The following CFDP1 variants were observed in gnomAD, a reference collection of about 807,000 sequenced individuals.
The protein encoded by CFDP1 is heterochromatin-stabilizing protein CFDP1.
In CFDP1, 31 loss-of-function variants were observed where a neutral mutation model predicts 40.1. The ratio of observed to expected loss-of-function variants is 0.77; its 90% CI spans 0.58 to 1.04. CFDP1 has a LOEUF of 1.04. Among genes scored for constraint, CFDP1 ranks in the 50% least tolerant of loss-of-function variants. CFDP1 has a pLI of 0.00. For missense variants in CFDP1, 423 were observed against 343.4 expected, an observed-to-expected ratio of 1.23 and a Z score of -1.83; for synonymous variants, 167 against 120.0, an observed-to-expected ratio of 1.39 and a Z score of -2.56.
At chr16:75,334,814 G>A (rs1203156833) in intron 5 of CFDP1, among the ~76,000 whole-genome samples, 1 of 152,136 alleles carries the variant, frequency 6.6e-6, no homozygotes, top group African/African-American at 2.4e-5. Flanking sequence ...AATTAGCCAG[G>A]TGTGGTGGTG....
intron 5 of CFDP1, among the ~76,000 whole-genome samples, chr16:75,336,706 T>G (rs993516041): frequency 3.3e-5 from 5 of 152,236 alleles, no homozygotes; most frequent in African/African-American, 1.2e-4. Flanking sequence ...AACCATAATT[T>G]ATTCAACAGT....
intron 1 of CFDP1, among the ~76,000 whole-genome samples, chr16:75,432,836 G>A (rs74728150): frequency 0.017 from 2,533 of 152,306 alleles, 71 homozygotes; most frequent in African/African-American, 0.057. Context: ...AAGCATCAAA[G>A]GGGGAACTTT....
intron 5 of CFDP1, among the ~76,000 whole-genome samples, chr16:75,364,426 A>AT (rs1267252134): frequency 6.6e-6 from 1 of 151,946 alleles, no homozygotes; most frequent in Non-Finnish European, 1.5e-5. Context: ...GAGATGGGAG[A>AT]TTTTTTTCAG....
At chr16:75,297,939 A>C (rs2078195619) in intron 6 of CFDP1, among the ~76,000 whole-genome samples, 1 of 152,226 alleles carries the variant, frequency 6.6e-6, no homozygotes, top group Admixed American at 6.5e-5. Context: ...CGAGCATCCC[A>C]AATCCAAAAA....
At chr16:75,364,156 A>C (rs13335124) in intron 5 of CFDP1, among the ~76,000 whole-genome samples, 2,139 of 39,006 alleles carry the variant, frequency 0.055, 38 homozygotes, top group African/African-American at 0.1. Flanking sequence ...AACAAACAAA[A>C]AAAACTATTA....
intron 5 of CFDP1, among the ~76,000 whole-genome samples, chr16:75,344,167 T>TAAATTCTGAA (rs1224255767): frequency 2.6e-5 from 4 of 152,232 alleles, no homozygotes; most frequent in Non-Finnish European, 4.4e-5. Flanking sequence ...CAGTAGTGCA[T>TAAATTCTGAA]AAATTCTGAA....
At chr16:75,338,314 A>G (rs1428400541) in intron 5 of CFDP1, among the ~76,000 whole-genome samples, 1 of 152,222 alleles carries the variant, frequency 6.6e-6, no homozygotes, top group African/African-American at 2.4e-5. Flanking sequence ...CCATTTCAGA[A>G]AAGGCAAGAA....
chr16:75,414,535 G>A (rs765054540), intron 2 of CFDP1, 43 bp downstream of exon 2: 8 of 1,178,864 alleles, frequency 6.8e-6, no homozygotes. Flanking sequence ...GGATGGTTGT[G>A]ACAATAGCCC....
At chr16:75,410,902 C>CT (rs1387903688) in intron 4 of CFDP1, among the ~76,000 whole-genome samples, 10 of 114,784 alleles carry the variant, frequency 8.7e-5, no homozygotes, top group African/African-American at 3.4e-4. Flanking sequence ...GAGCAAGACT[C>CT]TGTCTCAAAA....
At chr16:75,299,609 A>T (rs566238177) in intron 6 of CFDP1, among the ~76,000 whole-genome samples, 1 of 151,876 alleles carries the variant, frequency 6.6e-6, no homozygotes, top group African/African-American at 2.4e-5. Context: ...AAAAAAAAAA[A>T]TTCGAATCCT....
intron 4 of CFDP1, among the ~76,000 whole-genome samples, chr16:75,398,792 T>C (rs60937209): frequency 0.52 from 78,569 of 151,834 alleles, 21,382 homozygotes; most frequent in Admixed American, 0.64. Context: ...GTGGTGGTCA[T>C]GCCTGTAATC....
chr16:75,326,347 C>A (rs1311518650), intron 5 of CFDP1, among the ~76,000 whole-genome samples: 2 of 152,222 alleles, frequency 1.3e-5, no homozygotes, highest in African/African-American at 4.8e-5. Flanking sequence ...AAAACCAACA[C>A]TGAATGGACA....
chr16:75,371,924 T>C lies in CFDP1; in HGVS notation c.650+23166A>G, dbSNP rs188128765. On this transcript the variant is annotated intron_variant, in intron 5 of 6. Transcript: ENST00000283882. ...TGAAGATCAACCTTGTTATTTAAAA[T>C]AGGGAAAAGGGAAAAACTACTAATT... Among the ~76,000 whole-genome samples the C allele has an allele frequency of 8.7e-4, 132 of 152,302 alleles. 1 individual carries two copies. The Middle Eastern group carries it at 0.014, about 16-fold the overall frequency.
intron 6 of CFDP1, among the ~76,000 whole-genome samples, chr16:75,294,458 T>C (rs1378864190): frequency 6.6e-6 from 1 of 152,062 alleles, no homozygotes; most frequent in Non-Finnish European, 1.5e-5. Context: ...TAGTGGTGTG[T>C]TGAATTGGTG....
At chr16:75,317,840 G>A (rs548561532) in intron 5 of CFDP1, among the ~76,000 whole-genome samples, 2 of 152,086 alleles carry the variant, frequency 1.3e-5, no homozygotes, top group South Asian at 4.1e-4. Context: ...GCCAGGTGTG[G>A]TAGCTCACCC....
chr16:75,296,230 T>A (rs2078181198), intron 6 of CFDP1, among the ~76,000 whole-genome samples: 1 of 152,132 alleles, frequency 6.6e-6, no homozygotes. Context: ...TTTAAGCATT[T>A]GGGGTCTTTC....
intron 5 of CFDP1, among the ~76,000 whole-genome samples, chr16:75,363,898 C>T (rs552890849): frequency 6.4e-4 from 97 of 151,296 alleles, no homozygotes; most frequent in African/African-American, 2.3e-3. Context: ...ATTTGATTCA[C>T]GCCCTCAGGA....
intron 5 of CFDP1, among the ~76,000 whole-genome samples, chr16:75,337,609 C>T (rs942636988): frequency 6.6e-6 from 1 of 152,104 alleles, no homozygotes; most frequent in Admixed American, 6.6e-5. Context: ...GCTGGGAAGG[C>T]CTCAAGAAAC....
intron 5 of CFDP1, among the ~76,000 whole-genome samples, chr16:75,345,122 T>C (rs938021918): frequency 1.3e-5 from 2 of 151,834 alleles, no homozygotes; most frequent in Non-Finnish European, 2.9e-5. Flanking sequence ...GCCCAAGAGT[T>C]TGAGACCAGC....
Sources: allele counts gnomAD v4.1 joint callset (sites outside exome capture counted in the v4.1 genomes callset), GRCh38; gene constraint gnomAD v4.1.1; transcripts MANE v1.5; gene names NCBI Gene and HGNC (gene_info 2026-07-23, HGNC 2026-07-21).